The following CAMTA1 variants were observed in gnomAD, a reference collection of about 807,000 sequenced individuals.
CAMTA1 encodes calmodulin binding transcription activator 1, also known as calmodulin-binding transcription activator 1.
In CAMTA1, 27 loss-of-function variants were observed where a neutral mutation model predicts 170.9. That is an observed-to-expected ratio of 0.16 (90% CI 0.12 to 0.22). The LOEUF (loss-of-function observed/expected upper bound fraction) is 0.22, where lower values mean the gene tolerates loss of function less well. Ranked by LOEUF, CAMTA1 falls within the 10% of genes least tolerant of loss-of-function variation. CAMTA1 has a pLI of 1.00. For synonymous variants in CAMTA1, 833 were observed against 891.5 expected, an observed-to-expected ratio of 0.93 and a Z score of 1.17; for missense variants, 1,619 against 2,217.2, an observed-to-expected ratio of 0.73 and a Z score of 5.42.
At chr1:7,397,753 C>T (rs527823010) in intron 5 of CAMTA1, among the ~76,000 whole-genome samples, 22 of 151,874 alleles carry the variant, frequency 1.4e-4, no homozygotes, top group East Asian at 1.9e-4. Flanking sequence ...AATTCATGGG[C>T]GTGTTGTTTA....
rs1364191129 is a variant in CAMTA1, at chr1:7,014,807, C to T, written c.235-76497C>T. 6.6e-6 allele frequency among the ~76,000 whole-genome samples: 1 copy of T among 152,112 alleles called. No individual in the cohort carries two copies. The highest frequency in any genetic ancestry group is 2.4e-5 in the African/African-American group (1 of 41,406). ...GGTCTGTGGACCCTCTCAGACCCTG[C>T]AGCATGTCGGGGGCCGGGTGGGGGA... On this transcript the variant is annotated intron_variant, in intron 3 of 22. Coordinates refer to ENST00000303635, the MANE Select transcript of CAMTA1 (RefSeq NM_015215.4). The surrounding 1 kb of genome is among the most constrained non-coding windows in gnomAD (Gnocchi z 4.2).
At chr1:7,263,968 G>T (rs1469656937) in intron 5 of CAMTA1, among the ~76,000 whole-genome samples, 4 of 152,166 alleles carry the variant, frequency 2.6e-5, no homozygotes, top group African/African-American at 9.7e-5. Flanking sequence ...GTTATGGATT[G>T]CTCATTTCAA....
At chr1:7,702,659 C>A (rs2096454330) in intron 11 of CAMTA1, among the ~76,000 whole-genome samples, 1 of 152,196 alleles carries the variant, frequency 6.6e-6, no homozygotes, top group African/African-American at 2.4e-5. Flanking sequence ...CTGTCCTGCT[C>A]TTAGTGAAAA....
chr1:7,588,389 G>A lies in CAMTA1; in HGVS notation c.511-52011G>A, dbSNP rs1423133233. Among the ~76,000 whole-genome samples the A allele has an allele frequency of 1.3e-5, 2 of 152,194 alleles. No homozygotes were observed. The highest frequency in any genetic ancestry group is 2.1e-4 in the South Asian group (1 of 4,828). On this transcript the variant is annotated intron_variant, in intron 6 of 22. Coordinates refer to ENST00000303635, the MANE Select transcript of CAMTA1 (RefSeq NM_015215.4). The surrounding 1 kb of genome is among the most constrained non-coding windows in gnomAD (Gnocchi z 5.8). The stretch of plus-strand genomic sequence containing the variant: ...AGTCGGGATGGTCCGGGCGGGGGAT[G>A]GCCCCAGGGGCTCAGGAGGCCCTGG...
chr1:6,794,884 TTTTTTG>T (rs1330842871), intron 1 of CAMTA1, among the ~76,000 whole-genome samples: 6 of 147,036 alleles, frequency 4.1e-5, no homozygotes, highest in Non-Finnish European at 7.4e-5. Flanking sequence ...TAAAGGCTTT[TTTTTTG>T]TTTTTTTTGT....
intron 5 of CAMTA1, among the ~76,000 whole-genome samples, chr1:7,331,675 C>G (rs6698915): frequency 0.074 from 11,210 of 152,168 alleles, 1,386 homozygotes; most frequent in African/African-American, 0.26. Context: ...CTTGGCACCC[C>G]CTAGAGAGCT....
chr1:6,912,312 C>A (rs778704900), intron 3 of CAMTA1, among the ~76,000 whole-genome samples: 1 of 152,130 alleles, frequency 6.6e-6, no homozygotes, highest in Non-Finnish European at 1.5e-5. Context: ...AGCAGGCCAG[C>A]GGGGTAAGCA....
At chr1:7,658,723 A>G (rs987623436) in intron 7 of CAMTA1, among the ~76,000 whole-genome samples, 1 of 152,148 alleles carries the variant, frequency 6.6e-6, no homozygotes, top group African/African-American at 2.4e-5. Flanking sequence ...TTCTGCAGTA[A>G]TCTGTCTTCT....
chr1:7,394,748 T>A (rs2089102776), intron 5 of CAMTA1, among the ~76,000 whole-genome samples: 1 of 152,160 alleles, frequency 6.6e-6, no homozygotes, highest in African/African-American at 2.4e-5. Context: ...TTTGAGGTAT[T>A]ATTTTTAAAA....
At chr1:7,326,061 G>A (rs12071693) in intron 5 of CAMTA1, among the ~76,000 whole-genome samples, 3,574 of 152,102 alleles carry the variant, frequency 0.023, 137 homozygotes, top group African/African-American at 0.082. Context: ...GTTTCATCAC[G>A]TTGGCCAGAC....
At chr1:7,457,594 C>T (rs1272509759) in intron 5 of CAMTA1, among the ~76,000 whole-genome samples, 6 of 152,162 alleles carry the variant, frequency 3.9e-5, no homozygotes, top group African/African-American at 9.7e-5. Flanking sequence ...CTGTTCTCCG[C>T]GACTCTTACC....
At chr1:7,303,775 A>T (rs1420684396) in intron 5 of CAMTA1, among the ~76,000 whole-genome samples, 1 of 152,228 alleles carries the variant, frequency 6.6e-6, no homozygotes, top group East Asian at 1.9e-4. Flanking sequence ...CTGCAACTTT[A>T]AATCCAGTGG....
At chr1:7,624,287 C>G (rs1035735739) in intron 6 of CAMTA1, among the ~76,000 whole-genome samples, 1 of 152,228 alleles carries the variant, frequency 6.6e-6, no homozygotes, top group African/African-American at 2.4e-5. Context: ...CCTGCCTATG[C>G]GATTTCTGGG....
chr1:7,437,591 G>C (rs1198846700), intron 5 of CAMTA1, among the ~76,000 whole-genome samples: 3 of 152,206 alleles, frequency 2.0e-5, no homozygotes, highest in African/African-American at 7.2e-5. Flanking sequence ...CTGAGGTCCT[G>C]GGGGCTAGGA....
At chr1:7,170,664 G>A (rs956580901) in intron 4 of CAMTA1, among the ~76,000 whole-genome samples, 9 of 152,092 alleles carry the variant, frequency 5.9e-5, no homozygotes, top group Non-Finnish European at 8.8e-5. Flanking sequence ...ATATGGCTGC[G>A]TAGTATTCCA....
chr1:7,234,002 C>T lies in CAMTA1; in HGVS notation c.303-15489C>T, dbSNP rs771635544. On this transcript the variant is annotated intron_variant, in intron 4 of 22. Coordinates refer to ENST00000303635, the MANE Select transcript of CAMTA1 (RefSeq NM_015215.4). This position sits in a 1 kb window ranked among gnomAD's most constrained non-coding sequence, Gnocchi z 5.0. Reference sequence around the variant, plus strand: ...TTGCACTCTCCAGGTTAATTTATGCCGTCTTACATTTTATGCTACATTTGT... The same window carrying T: ...TTGCACTCTCCAGGTTAATTTATGCTGTCTTACATTTTATGCTACATTTGT... 5.1e-4 allele frequency among the ~76,000 whole-genome samples: 78 copies of T among 152,210 alleles called. No homozygotes were observed. Among genetic ancestry groups the T allele is most frequent in the Admixed American group, 1.6e-3 (25 of 15,296 alleles).
chr1:7,568,311 CCATCCCTCATCAGG>C (rs2095070852), intron 6 of CAMTA1, among the ~76,000 whole-genome samples: 5 of 150,374 alleles, frequency 3.3e-5, no homozygotes, highest in African/African-American at 1.2e-4. Flanking sequence ...ATCACCACCA[CCATCCCTCATCAGG>C]ATCACCAGCA....
At chr1:7,106,806 C>G (rs947495820) in intron 4 of CAMTA1, among the ~76,000 whole-genome samples, 23 of 151,942 alleles carry the variant, frequency 1.5e-4, no homozygotes, top group African/African-American at 5.6e-4. Context: ...AAAATTATCC[C>G]TAATTGGCTT....
chr1:7,422,661 C>T (rs1051474452), intron 5 of CAMTA1, among the ~76,000 whole-genome samples: 17 of 152,160 alleles, frequency 1.1e-4, no homozygotes, highest in African/African-American at 4.1e-4. Flanking sequence ...AGGTTAAGAC[C>T]AAGGCCAAGC....
Sources: gnomAD v4.1 joint callset for allele counts (sites outside exome capture counted in the v4.1 genomes callset) on GRCh38, gnomAD v4.1.1 for gene constraint, Gnocchi (gnomAD v3.1) non-coding constraint, MANE v1.5 for transcripts, NCBI Gene and HGNC (gene_info 2026-07-23, HGNC 2026-07-21) for gene names.